CLSTN3: variants seen among roughly 807,000 people sequenced by gnomAD.
CLSTN3 encodes the protein calsyntenin 3.
A neutral mutation model predicts 95.9 loss-of-function variants in CLSTN3; 36 were observed. The observed-to-expected ratio is 0.38, with a 90% CI of 0.29 to 0.50. CLSTN3 has a LOEUF of 0.50. Ranked by LOEUF, CLSTN3 falls within the 20% of genes least tolerant of loss-of-function variation. CLSTN3 has a pLI of 0.95. For missense variants in CLSTN3, 1,084 were observed against 1,268.8 expected, an observed-to-expected ratio of 0.85 and a Z score of 2.21; for synonymous variants, 481 against 504.0, an observed-to-expected ratio of 0.95 and a Z score of 0.61.
At chr12:7,156,321 T>C (rs764004773) in intron 16 of CLSTN3, 1 of 457,114 alleles carries the variant, frequency 2.2e-6, no homozygotes, top group Non-Finnish European at 4.4e-6. Context: ...CTTTTCTTCC[T>C]TGTGCTTCTT....
In CLSTN3 at chr12:7,137,808, G is replaced by GAGAT. The variant is rs1325936269; in HGVS notation, c.1211-144_1211-143insTAGA. 12 of 562,004 alleles carry GAGAT rather than the reference G, an allele frequency of 2.1e-5. No homozygotes were observed. The highest frequency in any genetic ancestry group is 2.1e-4 in the African/African-American group (11 of 52,670). 34.8% of individuals were successfully genotyped at this position (562,004 alleles called of 1,614,324 possible). A position where few individuals can be genotyped will look rare whatever the true frequency, so the allele number is the denominator to read the frequency against. On this transcript the variant is annotated intron_variant, in intron 7 of 17. Coordinates refer to ENST00000266546, the MANE Select transcript of CLSTN3 (RefSeq NM_014718.4). This position sits in a 1 kb window ranked among gnomAD's most constrained non-coding sequence, Gnocchi z 4.4. ...TGTGTGTGTGTGTGAGAGAGAGAGA[G>GAGAT]AGAGAGAGAGAGAGGAAAGAAAAAT... is the stretch of plus-strand genomic sequence containing the variant.
chr12:7,130,972 G>A (rs879322889), intron 1 of CLSTN3: 5 of 572,472 alleles, frequency 8.7e-6, no homozygotes, highest in Non-Finnish European at 1.6e-5. Flanking sequence ...CTCCATTCCC[G>A]TCCTGGGGTC....
At chr12:7,154,644 T>TTA (rs1429706937) in intron 16 of CLSTN3, among the ~76,000 whole-genome samples, 1 of 152,168 alleles carries the variant, frequency 6.6e-6, no homozygotes, top group African/African-American at 2.4e-5. Context: ...GGCACCTAAA[T>TTA]TATACCCTAG....
intron 8 of CLSTN3, among the ~76,000 whole-genome samples, chr12:7,138,389 C>T (rs568721700): frequency 5.5e-4 from 84 of 152,312 alleles, no homozygotes; most frequent in Middle Eastern, 6.8e-3. Context: ...ATCCCTGACT[C>T]TCAGGCAGTT....
rs1438068788 is a variant in CLSTN3 at position 7,135,555 on chromosome 12, C to T, written c.592+20C>T. 2 of 1,611,144 alleles carry T rather than the reference C, an allele frequency of 1.2e-6. No individual in the cohort carries two copies. Among genetic ancestry groups the T allele is most frequent in the Non-Finnish European group, 1.7e-6 (2 of 1,177,344 alleles). ...ATGACGGTGAGTCCACCCCTGGCTT[C>T]CCTGGCCACCCAGTTCCCCTTGAGC... On this transcript the variant is annotated intron_variant, in intron 4 of 17. Coordinates refer to ENST00000266546, the MANE Select transcript of CLSTN3 (RefSeq NM_014718.4).
intron 1 of CLSTN3, chr12:7,131,350 G>T: frequency 4.4e-6 from 1 of 229,394 alleles, no homozygotes; most frequent in South Asian, 6.2e-5. Flanking sequence ...CGGGCAGAGG[G>T]CTCAGGTAGG....
In CLSTN3 at chr12:7,137,795, T is replaced by TGTGTGTGTGTGTGTGTGA. The variant is rs768487238; in HGVS notation, c.1211-159_1211-158insTGTGTGTGTGTGTGTGAG. ...GTGTGTGTGTGTGTGTGTGTGTGTG[T>TGTGTGTGTGTGTGTGTGA]GAGAGAGAGAGAGAGAGAGAGAGAG... On this transcript the variant is annotated intron_variant, in intron 7 of 17. Transcript: ENST00000266546. The surrounding 1 kb of genome is among the most constrained non-coding windows in gnomAD (Gnocchi z 4.4). 1.1e-4 allele frequency among the ~76,000 whole-genome samples: 8 copies of TGTGTGTGTGTGTGTGTGA among 70,674 alleles called. No individual in the cohort carries two copies. The East Asian group carries it at 1.6e-3, about 14-fold the overall frequency. The allele number at this position is 70,674 out of a possible 152,430, so 46.4% of individuals were successfully genotyped here. A position where few individuals can be genotyped will look rare whatever the true frequency, so the allele number is the denominator to read the frequency against.
Position 7,133,812 on chromosome 12 carries a change from C to A in CLSTN3, c.383+44C>A, listed in dbSNP as rs772151021. ...CCTGCCCCATGTGTTGCAGGGTCCT[C>A]CTCCCTGCTCCCAAGCCCACCATCC... On this transcript the variant is annotated intron_variant, in intron 3 of 17. Coordinates refer to ENST00000266546, the MANE Select transcript of CLSTN3 (RefSeq NM_014718.4). This position sits in a 1 kb window ranked among gnomAD's most constrained non-coding sequence, Gnocchi z 4.7. The A allele has an allele frequency of 1.4e-6, 2 of 1,444,112 alleles. No individual in the cohort carries two copies. The highest frequency in any genetic ancestry group is 1.9e-6 in the Non-Finnish European group (2 of 1,067,136). 89.5% of individuals were successfully genotyped at this position (1,444,112 alleles called of 1,614,324 possible).
rs1314235449 is a variant in CLSTN3 at position 7,158,358 on chromosome 12, C to A, written c.*277C>A. 3 of 367,050 alleles carry A rather than the reference C, an allele frequency of 8.2e-6. No homozygotes were observed. The highest frequency in any genetic ancestry group is 2.1e-5 in the African/African-American group (1 of 48,142). 22.7% of individuals were successfully genotyped at this position (367,050 alleles called of 1,614,324 possible). On this transcript the variant is annotated 3_prime_UTR_variant, in exon 18 of 18. Coordinates refer to ENST00000266546, the MANE Select transcript of CLSTN3 (RefSeq NM_014718.4). The stretch of plus-strand genomic sequence containing the variant: ...AGTGGGCTGGACTTCAGCTGCCTTT[C>A]TACCCCCAATGGCAGCTGCCCCCTT...
Position 7,157,429 on chromosome 12 carries a change from G to C in CLSTN3, c.2528-60G>C. ...TGCCTCTTTTCCTACCCAGCCCCCT[G>C]TCCAAGTGCCCCCAGGTGTGCCTAG... On this transcript the variant is annotated intron_variant, in intron 16 of 17. Coordinates refer to ENST00000266546, the MANE Select transcript of CLSTN3 (RefSeq NM_014718.4). This position sits in a 1 kb window ranked among gnomAD's most constrained non-coding sequence, Gnocchi z 5.9. 6.9e-7 allele frequency: 1 copy of C among 1,455,558 alleles called. No homozygotes were observed. The highest frequency in any genetic ancestry group is 1.4e-5 in the South Asian group (1 of 71,096). The allele number at this position is 1,455,558 out of a possible 1,614,324, so 90.2% of individuals were successfully genotyped here. A position where few individuals can be genotyped will look rare whatever the true frequency, so the allele number is the denominator to read the frequency against.
At chr12:7,135,618 C>T (rs1939397474) in intron 4 of CLSTN3, 83 bp downstream of exon 4, 2 of 1,471,110 alleles carry the variant, frequency 1.4e-6, no homozygotes, top group South Asian at 1.2e-5. Context: ...TTGCATTCTC[C>T]ACTTTTGCCC....
intron 16 of CLSTN3, among the ~76,000 whole-genome samples, chr12:7,154,184 G>T (rs753687924): frequency 2.6e-5 from 4 of 152,166 alleles, no homozygotes; most frequent in African/African-American, 7.2e-5. Flanking sequence ...TTCTGACTCC[G>T]CAAGGTGCTC....
rs1256790080 is a variant in CLSTN3 at position 7,137,686 on chromosome 12, C to T, written c.1211-269C>T. 2.0e-5 allele frequency among the ~76,000 whole-genome samples: 3 copies of T among 151,216 alleles called. No homozygotes were observed. The highest frequency in any genetic ancestry group is 1.5e-5 in the Non-Finnish European group (1 of 67,898). On this transcript the variant is annotated intron_variant, in intron 7 of 17. Transcript: ENST00000266546. The surrounding 1 kb of genome is among the most constrained non-coding windows in gnomAD (Gnocchi z 4.4). ...GATGAAGAGCTGGTGATGGAGTGGGCCAGCTGATGTTCCCTCCTCAGCCAG... is the reference window on the plus strand; with the variant it reads ...GATGAAGAGCTGGTGATGGAGTGGGTCAGCTGATGTTCCCTCCTCAGCCAG...
Position 7,137,901 on chromosome 12 carries a change from C to A in CLSTN3, c.1211-54C>A. 1 of 1,314,028 alleles carries A rather than the reference C, an allele frequency of 7.6e-7. No homozygotes were observed. Among genetic ancestry groups the A allele is most frequent in the Non-Finnish European group, 1.1e-6 (1 of 917,720 alleles). The allele number at this position is 1,314,028 out of a possible 1,614,324, so 81.4% of individuals were successfully genotyped here. ...ATCCTCTCCTTCCTGCTGCTTTGAA[C>A]TTGTTCTGGCCTCAGCCTCTGCACT... is the stretch of plus-strand genomic sequence containing the variant. On this transcript the variant is annotated intron_variant, in intron 7 of 17. Transcript: ENST00000266546. The surrounding 1 kb of genome is among the most constrained non-coding windows in gnomAD (Gnocchi z 4.4).
In CLSTN3 at chr12:7,133,443, A is replaced by T; in HGVS notation, c.188-130A>T. The T allele has an allele frequency of 1.1e-6, 1 of 923,624 alleles. No homozygotes were observed. Among genetic ancestry groups the T allele is most frequent in the Non-Finnish European group, 1.6e-6 (1 of 607,434 alleles). 57.2% of individuals were successfully genotyped at this position (923,624 alleles called of 1,614,324 possible). On this transcript the variant is annotated intron_variant, in intron 2 of 17. Transcript: ENST00000266546. The surrounding 1 kb of genome is among the most constrained non-coding windows in gnomAD (Gnocchi z 4.7). The stretch of plus-strand genomic sequence containing the variant: ...GCTTAGAGTTGCGTGTTTGATCATT[A>T]ATGCTTTTGTGCCTACAGGAGAAGG...
chr12:7,132,511 G>A (rs1392803388), intron 1 of CLSTN3: 1 of 211,632 alleles, frequency 4.7e-6, no homozygotes, highest in Non-Finnish European at 9.6e-6. Flanking sequence ...GGCTTGGCTG[G>A]GAGAAGTGCA....
rs769649429 is a variant in CLSTN3, at chr12:7,142,147, G to A, written c.1540+8G>A. On this transcript the variant is annotated splice_region_variant and intron_variant, in intron 10 of 17. Coordinates refer to ENST00000266546, the MANE Select transcript of CLSTN3 (RefSeq NM_014718.4). Reference sequence around the variant, plus strand: ...GTACAGACACCACCCAAGGTACTCCGTGTGTAAGAACTGGAGACCAGAGAG... The same window carrying A: ...GTACAGACACCACCCAAGGTACTCCATGTGTAAGAACTGGAGACCAGAGAG... 1.2e-5 allele frequency: 20 copies of A among 1,604,022 alleles called. No homozygotes were observed. Among genetic ancestry groups the A allele is most frequent in the South Asian group, 7.7e-5 (7 of 90,538 alleles).
chr12:7,133,454 G>A lies in CLSTN3; in HGVS notation c.188-119G>A. On this transcript the variant is annotated intron_variant, in intron 2 of 17. Transcript: ENST00000266546. This position sits in a 1 kb window ranked among gnomAD's most constrained non-coding sequence, Gnocchi z 4.7. Reference sequence around the variant, plus strand: ...CGTGTTTGATCATTAATGCTTTTGTGCCTACAGGAGAAGGGACAGGGCTTT... The same window carrying A: ...CGTGTTTGATCATTAATGCTTTTGTACCTACAGGAGAAGGGACAGGGCTTT... The A allele has an allele frequency of 1.0e-6, 1 of 990,168 alleles. No individual in the cohort carries two copies. The highest frequency in any genetic ancestry group is 1.6e-5 in the African/African-American group (1 of 61,828). The allele number at this position is 990,168 out of a possible 1,614,324, so 61.3% of individuals were successfully genotyped here. A position where few individuals can be genotyped will look rare whatever the true frequency, so the allele number is the denominator to read the frequency against.
At position 7,150,133 on chromosome 12, in the gene CLSTN3, C is replaced by T. The variant is rs1314341649; in HGVS notation, c.2246-411C>T. Among the ~76,000 whole-genome samples the T allele has an allele frequency of 6.6e-6, 1 of 152,194 alleles. No individual in the cohort carries two copies. The highest frequency in any genetic ancestry group is 2.4e-5 in the African/African-American group (1 of 41,446). ...AGTGGGAGTGATGATTTGGTAGTTT[C>T]CAAAGGAAGCCAGGAGGGAGAATGG... is the stretch of plus-strand genomic sequence containing the variant. On this transcript the variant is annotated intron_variant, in intron 14 of 17. Coordinates refer to ENST00000266546, the MANE Select transcript of CLSTN3 (RefSeq NM_014718.4). This position sits in a 1 kb window ranked among gnomAD's most constrained non-coding sequence, Gnocchi z 4.0.
Sources: allele counts gnomAD v4.1 joint callset (sites outside exome capture counted in the v4.1 genomes callset), GRCh38; gene constraint gnomAD v4.1.1; non-coding constraint Gnocchi (gnomAD v3.1); transcripts MANE v1.5; gene names NCBI Gene and HGNC (gene_info 2026-07-23, HGNC 2026-07-21).